Variants in ERCC6 observed in about 807,000 individuals in gnomAD.
ERCC6 encodes the protein DNA excision repair protein ERCC-6.
In ERCC6, 116 loss-of-function variants were observed where a neutral mutation model predicts 158.7. The ratio of observed to expected loss-of-function variants is 0.73; its 90% CI spans 0.63 to 0.85. ERCC6 has a LOEUF of 0.85. Ranked by LOEUF, ERCC6 falls within the 40% of genes least tolerant of loss-of-function variation. ERCC6 has a pLI of 0.00. For synonymous variants in ERCC6, 678 were observed against 659.3 expected (o/e 1.03, Z -0.43); for missense variants, 1,698 against 1,799.4 (o/e 0.94, Z 1.02).
Position 49,470,387 on chromosome 10 carries a change from T to C in ERCC6, c.3573A>G (p.Ala1191=), listed in dbSNP as rs1440928646. The change falls in exon 18 of 21, where the codon GCA becomes GCG. Residue 1191 remains alanine (A), a synonymous_variant. Coordinates refer to ENST00000355832, the MANE Select transcript of ERCC6 (RefSeq NM_000124.4). ...HKSKTKHHSV[A]EEETLEKHLR... is the part of the protein sequence containing the mutation. ...GATGTTTCTCCAGGGTCTCTTCTTC[T>C]GCCACACTATGATGTTTTGTTTTTG... 1.2e-6 allele frequency: 2 copies of C among 1,614,222 alleles called. No individual in the cohort carries two copies. Among genetic ancestry groups the C allele is most frequent in the South Asian group, 2.2e-5 (2 of 91,078 alleles).
chr10:49,509,130 A>G (rs1851494250), intron 5 of ERCC6, among the ~76,000 whole-genome samples: 1 of 152,146 alleles, frequency 6.6e-6, no homozygotes, highest in African/African-American at 2.4e-5. Context: ...TAACTTCATC[A>G]GCATCTAAGT....
At chr10:49,525,170 T>C (rs1193398140) in intron 4 of ERCC6, 1 of 230,440 alleles carries the variant, frequency 4.3e-6, no homozygotes, top group Admixed American at 5.3e-5. Flanking sequence ...AAAACCAACA[T>C]TCAGATGGAC....
chr10:49,523,616 T>G (rs971239973), intron 5 of ERCC6, among the ~76,000 whole-genome samples: 1 of 152,152 alleles, frequency 6.6e-6, no homozygotes, highest in Non-Finnish European at 1.5e-5. Context: ...TGAAGAAAAG[T>G]TCTCTAAAAT....
intron 12 of ERCC6, among the ~76,000 whole-genome samples, chr10:49,475,937 G>A (rs956010513): frequency 1.1e-4 from 17 of 152,210 alleles, no homozygotes; most frequent in African/African-American, 3.6e-4. Context: ...ACCCTCGGAA[G>A]TAACAGTAAC....
chr10:49,506,312 G>A, intron 5 of ERCC6: 1 of 395,906 alleles, frequency 2.5e-6, no homozygotes, highest in South Asian at 2.9e-5. Context: ...AAATTTCTCT[G>A]CTGGTTCGTA....
chr10:49,512,431 T>C (rs1023169075), intron 5 of ERCC6, among the ~76,000 whole-genome samples: 2 of 152,214 alleles, frequency 1.3e-5, no homozygotes, highest in Admixed American at 6.5e-5. Flanking sequence ...TGCCCCCTAG[T>C]GTGTTCAAAG....
chr10:49,477,949 C>A (rs1258029321), intron 11 of ERCC6, among the ~76,000 whole-genome samples: 1 of 152,212 alleles, frequency 6.6e-6, no homozygotes, highest in East Asian at 1.9e-4. Context: ...AATGCTGCCA[C>A]CTGACATCTT....
At chr10:49,442,691 G>A in the ERCC6 span, among the ~76,000 whole-genome samples, 1 of 152,156 alleles carries the variant, frequency 6.6e-6, no homozygotes, top group Non-Finnish European at 1.5e-5. Context: ...CCATGCTGGG[G>A]GCAGGTGGCC....
In ERCC6 at chr10:49,470,243, CTT is replaced by C. The variant is rs758341467; in HGVS notation, c.3715_3716del (p.Lys1239GlufsTer2). ...RRYQKQDSEN[K>X]SEAKEQSNDD... ...CATTGCTCTGTTCCTTGGCCTCACT[CTT>C]GTTTTCACTGTCTTGCTTCTGGTAA... On this transcript the variant is annotated frameshift_variant, in exon 18 of 21. Transcript: ENST00000355832. LOFTEE classifies it high-confidence loss of function. The C allele has an allele frequency of 6.2e-7, 1 of 1,614,174 alleles. No homozygotes were observed. The highest frequency in any genetic ancestry group is 8.5e-7 in the Non-Finnish European group (1 of 1,180,034).
At chr10:49,506,403 CA>C in intron 5 of ERCC6, 1 of 89,952 alleles carries the variant, frequency 1.1e-5, no homozygotes, top group South Asian at 1.6e-4. Flanking sequence ...TACTATGTAA[CA>C]AAAAATAGAT....
the ERCC6 span, among the ~76,000 whole-genome samples, chr10:49,437,244 A>G: frequency 6.6e-6 from 1 of 152,186 alleles, no homozygotes; most frequent in Non-Finnish European, 1.5e-5. Context: ...CTGTGAGTCC[A>G]TTAAACTTCT....
chr10:49,512,110 A>T (rs1266312809), intron 5 of ERCC6, among the ~76,000 whole-genome samples: 1 of 152,246 alleles, frequency 6.6e-6, no homozygotes, highest in Non-Finnish European at 1.5e-5. Flanking sequence ...AACAAATGTC[A>T]AAACACCTAT....
chr10:49,508,134 A>C (rs1851475739), intron 5 of ERCC6, among the ~76,000 whole-genome samples: 1 of 152,194 alleles, frequency 6.6e-6, no homozygotes, highest in South Asian at 2.1e-4. Flanking sequence ...GGATAACATA[A>C]ACCTTGGAAG....
Position 49,520,431 on chromosome 10 carries a change from A to C in ERCC6, c.1397+3602T>G, listed in dbSNP as rs540704637. On this transcript the variant is annotated intron_variant, in intron 5 of 20. Coordinates refer to ENST00000355832, the MANE Select transcript of ERCC6 (RefSeq NM_000124.4). ...AACTTGGGGGAATGAGTTTAAGTCAAATGATAAACACTAACCCTAGTCCTG... is the reference window on the plus strand; with the variant it reads ...AACTTGGGGGAATGAGTTTAAGTCACATGATAAACACTAACCCTAGTCCTG... 1.4e-4 allele frequency among the ~76,000 whole-genome samples: 22 copies of C among 152,314 alleles called. No homozygotes were observed. In the South Asian group the frequency reaches 4.6e-3, roughly 32 times the overall value.
chr10:49,511,754 C>T lies in ERCC6; in HGVS notation c.1398-5742G>A, dbSNP rs558104160. 5.3e-5 allele frequency among the ~76,000 whole-genome samples: 8 copies of T among 152,218 alleles called. No homozygotes were observed. The East Asian group carries it at 1.5e-3, about 29-fold the overall frequency. On this transcript the variant is annotated intron_variant, in intron 5 of 20. Coordinates refer to ENST00000355832, the MANE Select transcript of ERCC6 (RefSeq NM_000124.4). Reference sequence around the variant, plus strand: ...AGGGCATTTTCTAACTCCTAAAGCCCGTCTCAGGCTCCAGTGGTGGTCACT... The same window carrying T: ...AGGGCATTTTCTAACTCCTAAAGCCTGTCTCAGGCTCCAGTGGTGGTCACT...
At chr10:49,453,814 G>C (rs1170414017), downstream of ERCC6, among the ~76,000 whole-genome samples, 3 of 151,870 alleles carry the variant, frequency 2.0e-5, no homozygotes, top group African/African-American at 7.3e-5. Flanking sequence ...CTGCCTTCTG[G>C]CCTCCATTAT....
intron 6 of ERCC6, chr10:49,505,147 C>T (rs752901335): frequency 3.9e-5 from 6 of 152,072 alleles, no homozygotes; most frequent in Non-Finnish European, 5.9e-5. Context: ...AAGAAGCCTT[C>T]CTAAAGTATC....
intron 8 of ERCC6, among the ~76,000 whole-genome samples, chr10:49,484,682 G>A (rs967440934): frequency 6.6e-6 from 1 of 152,198 alleles, no homozygotes; most frequent in African/African-American, 2.4e-5. Flanking sequence ...AGAGTCTACA[G>A]TGAGCTATAA....
chr10:49,501,277 G>T (rs1261135174), intron 6 of ERCC6: 1 of 153,676 alleles, frequency 6.5e-6, no homozygotes, highest in Non-Finnish European at 1.4e-5. Flanking sequence ...GAACATAACA[G>T]ATGATTCTGT....
Sources: allele counts gnomAD v4.1 joint callset (sites outside exome capture counted in the v4.1 genomes callset), GRCh38; gene constraint gnomAD v4.1.1; transcripts MANE v1.5; gene names NCBI Gene and HGNC (gene_info 2026-07-23, HGNC 2026-07-21).